Variants in ZNF316 observed in about 807,000 individuals in gnomAD.
ZNF316 encodes the protein zinc finger protein 316.
Under a neutral mutation model 75.6 loss-of-function variants are expected in ZNF316, and 23 were observed. That is an observed-to-expected ratio of 0.30 (90% CI 0.22 to 0.43). The LOEUF is 0.43. Ranked by LOEUF, ZNF316 falls within the 20% of genes least tolerant of loss-of-function variation. The probability of loss-of-function intolerance (pLI) is 1.00; values close to 1 mark genes in which losing one functional copy is unlikely to be tolerated. For missense variants in ZNF316, 1,266 were observed against 1,409.4 expected (o/e 0.90, Z 1.63); for synonymous variants, 827 against 666.2 (o/e 1.24, Z -3.72).
At chr7:6,645,657 C>G (rs1412674430) in intron 8 of ZNF316, among the ~76,000 whole-genome samples, 1 of 148,550 alleles carries the variant, frequency 6.7e-6, no homozygotes, top group Non-Finnish European at 1.5e-5. Flanking sequence ...GCACTCCGGC[C>G]TGGGTGACAA....
At position 6,653,198 on chromosome 7, in the gene ZNF316, C is replaced by G; in HGVS notation, c.1602C>G (p.Asp534Glu). ...CCGCCGCGGGGCCCGAGGACACGGA[C>G]CCTGGGCCAGAGGGATCTGAAGTTG... ...TAAAAGPEDT[D>E]PGPEGSEVGE... The change falls in exon 9 of 9, where the codon GAC becomes GAG. Residue 534 changes from aspartate to glutamate, a missense_variant. Asp to Glu is a conservative substitution (Grantham distance 45). Coordinates refer to ENST00000382252, the MANE Select transcript of ZNF316 (RefSeq NM_001278559.2). 1 of 1,219,336 alleles carries G rather than the reference C, an allele frequency of 8.2e-7. No homozygotes were observed. The highest frequency in any genetic ancestry group is 1.0e-6 in the Non-Finnish European group (1 of 980,288). 75.5% of individuals were successfully genotyped at this position (1,219,336 alleles called of 1,614,324 possible). A position where few individuals can be genotyped will look rare whatever the true frequency, so the allele number is the denominator to read the frequency against.
At position 6,653,157 on chromosome 7, in the gene ZNF316, C is replaced by G. The variant is rs981187377; in HGVS notation, c.1561C>G (p.Pro521Ala). 7 of 1,188,366 alleles carry G rather than the reference C, an allele frequency of 5.9e-6. No homozygotes were observed. The highest frequency in any genetic ancestry group is 4.5e-5 in the Admixed American group (1 of 22,074). 73.6% of individuals were successfully genotyped at this position (1,188,366 alleles called of 1,614,324 possible). A position where few individuals can be genotyped will look rare whatever the true frequency, so the allele number is the denominator to read the frequency against. ...EAGGDGPRRE[P>A]GETAAAAGPE... The stretch of plus-strand genomic sequence containing the variant: ...GGGTGGTGACGGCCCCCGGCGGGAG[C>G]CCGGCGAGACGGCGGCCGCCGCGGG... Residue 521 changes from proline to alanine, a missense_variant, in exon 9 of 9, where the codon CCC becomes GCC. By Grantham distance (27) the Pro-to-Ala change is conservative. Transcript: ENST00000382252.
rs1037869947 is a variant in ZNF316, at chr7:6,652,482, G to T, written c.886G>T (p.Gly296Trp). 2 of 1,231,540 alleles carry T rather than the reference G, an allele frequency of 1.6e-6. No individual in the cohort carries two copies. Among genetic ancestry groups the T allele is most frequent in the Non-Finnish European group, 2.0e-6 (2 of 987,768 alleles). The allele number at this position is 1,231,540 out of a possible 1,614,324, so 76.3% of individuals were successfully genotyped here. A position where few individuals can be genotyped will look rare whatever the true frequency, so the allele number is the denominator to read the frequency against. ...DDSDSAQTPE[G>W]WGPDPGGLGV... ...CTCGGATTCGGCGCAGACTCCAGAGGGGTGGGGACCCGACCCAGGCGGCCT... is the reference window on the plus strand; with the variant it reads ...CTCGGATTCGGCGCAGACTCCAGAGTGGTGGGGACCCGACCCAGGCGGCCT... The change falls in exon 9 of 9, where the codon GGG (glycine) becomes TGG (tryptophan). Residue 296 changes from glycine to tryptophan, a missense_variant. Gly to Trp is a radical substitution (Grantham distance 184). Transcript: ENST00000382252.
chr7:6,652,466 G>A lies in ZNF316; in HGVS notation c.870G>A (p.Ser290=), dbSNP rs1047824720. 1.1e-5 allele frequency: 14 copies of A among 1,231,770 alleles called. 1 individual carries two copies. In the Middle Eastern group the frequency reaches 1.6e-3, roughly 137 times the overall value. 76.3% of individuals were successfully genotyped at this position (1,231,770 alleles called of 1,614,324 possible). The stretch of plus-strand genomic sequence containing the variant: ...CGTGGGGGCCCGACGACTCGGATTC[G>A]GCGCAGACTCCAGAGGGGTGGGGAC... The part of the protein sequence containing the change: ...PGTWGPDDSD[S]AQTPEGWGPD... The change falls in exon 9 of 9, where the codon TCG becomes TCA. Residue 290 remains serine (S), a synonymous_variant. Transcript: ENST00000382252.
intron 6 of ZNF316, among the ~76,000 whole-genome samples, chr7:6,643,343 A>G (rs1288497859): frequency 6.6e-6 from 1 of 152,320 alleles, no homozygotes; most frequent in Non-Finnish European, 1.5e-5. Flanking sequence ...GCGACTTCAG[A>G]GGCCTGGCTC....
Position 6,642,504 on chromosome 7 carries a change from A to G in ZNF316, c.95A>G (p.Glu32Gly). 2 of 1,234,088 alleles carry G rather than the reference A, an allele frequency of 1.6e-6. No homozygotes were observed. The highest frequency in any genetic ancestry group is 2.0e-6 in the Non-Finnish European group (2 of 989,060). 76.4% of individuals were successfully genotyped at this position (1,234,088 alleles called of 1,614,324 possible). The change falls in exon 5 of 9, where the codon GAG becomes GGG. Residue 32 changes from glutamate (E) to glycine (G), a missense_variant. Physicochemically the swap from Glu to Gly is moderately conservative, Grantham distance 98. Around this residue, in one of 3 missense-constraint regions of ZNF316, gnomAD observed 961 missense variants for 990.9 expected, o/e 0.97. Transcript: ENST00000382252. The surrounding 1 kb of genome is among the most constrained non-coding windows in gnomAD (Gnocchi z 8.1). ...SECDPDQEEE[E>G]EEEEKGEEVQ... The stretch of plus-strand genomic sequence containing the variant: ...TGCGACCCTGACCAGGAAGAAGAGG[A>G]GGAGGAGGAGGAAAAGGGGGAAGAG...
At chr7:6,645,918 C>G (rs1352588216) in intron 8 of ZNF316, among the ~76,000 whole-genome samples, 1 of 143,994 alleles carries the variant, frequency 6.9e-6, no homozygotes, top group Non-Finnish European at 1.5e-5. Context: ...CACTTGAACC[C>G]GGGAGGTGGA....
At position 6,642,276 on chromosome 7, in the gene ZNF316, G is replaced by T. The variant is rs1049306052; in HGVS notation, c.-28-106G>T. 3 of 456,782 alleles carry T rather than the reference G, an allele frequency of 6.6e-6. No individual in the cohort carries two copies. The highest frequency in any genetic ancestry group is 7.2e-6 in the Non-Finnish European group (2 of 279,706). The allele number at this position is 456,782 out of a possible 1,614,324, so 28.3% of individuals were successfully genotyped here. A position where few individuals can be genotyped will look rare whatever the true frequency, so the allele number is the denominator to read the frequency against. On this transcript the variant is annotated intron_variant, in intron 4 of 8. Transcript: ENST00000382252. This position sits in a 1 kb window ranked among gnomAD's most constrained non-coding sequence, Gnocchi z 8.1. ...ATTGCCTTCAACTACATAACAGGAG[G>T]AGTAAATCCTGCTCCCTGCGCCCCC... is the stretch of plus-strand genomic sequence containing the variant.
Position 6,653,954 on chromosome 7 carries a change from TCGCGCGCACTTGACGGCGCACGGG to T in ZNF316, c.2368_2391del (p.Leu790_His797del). ...GCGTGTGCGGTGCGGGGTTCAGCCGTCGCGCGCACTTGACGGCGCACGGGCGCGCGCACACCGGGGAGCGGCCTT... is the reference window on the plus strand; with the variant it reads ...GCGTGTGCGGTGCGGGGTTCAGCCGTCGCGCGCACACCGGGGAGCGGCCTT... On this transcript the variant is annotated inframe_deletion, in exon 9 of 9. Coordinates refer to ENST00000382252, the MANE Select transcript of ZNF316 (RefSeq NM_001278559.2). 2 of 1,156,076 alleles carry T rather than the reference TCGCGCGCACTTGACGGCGCACGGG, an allele frequency of 1.7e-6. No individual in the cohort carries two copies. Among genetic ancestry groups the T allele is most frequent in the African/African-American group, 1.7e-5 (1 of 60,192 alleles). The allele number at this position is 1,156,076 out of a possible 1,614,324, so 71.6% of individuals were successfully genotyped here.
rs1779298544 is a variant in ZNF316, at chr7:6,640,749, C to T, written c.-166-1076C>T. On this transcript the variant is annotated intron_variant, in intron 3 of 8. Coordinates refer to ENST00000382252, the MANE Select transcript of ZNF316 (RefSeq NM_001278559.2). This position sits in a 1 kb window ranked among gnomAD's most constrained non-coding sequence, Gnocchi z 5.1. Reference sequence around the variant, plus strand: ...TGGGCCTGGTGGGAGGGGATTGGCCCATGGAGGCGGATCCCTCATGAATGG... The same window carrying T: ...TGGGCCTGGTGGGAGGGGATTGGCCTATGGAGGCGGATCCCTCATGAATGG... Among the ~76,000 whole-genome samples the T allele has an allele frequency of 6.6e-6, 1 of 152,154 alleles. No homozygotes were observed. The highest frequency in any genetic ancestry group is 2.4e-5 in the African/African-American group (1 of 41,450).
intron 8 of ZNF316, among the ~76,000 whole-genome samples, chr7:6,645,010 G>C (rs1219836564): frequency 6.6e-6 from 1 of 152,194 alleles, no homozygotes; most frequent in Non-Finnish European, 1.5e-5. Context: ...CAGCTCCCTT[G>C]CTCTCCCTGG....
rs1779649783 is a variant in ZNF316 at position 6,657,622 on chromosome 7, G to A, written c.*3011G>A. On this transcript the variant is annotated 3_prime_UTR_variant, in exon 9 of 9. Transcript: ENST00000382252. ...AAGGCGGATCCCTTGAGCTCAGATG[G>A]ATTCCTTGAGCTCAGGAGTTCGAGG... 6.6e-6 allele frequency among the ~76,000 whole-genome samples: 1 copy of A among 152,020 alleles called. No homozygotes were observed. The highest frequency in any genetic ancestry group is 2.1e-4 in the South Asian group (1 of 4,830).
At chr7:6,650,886 C>A (rs926104647) in intron 8 of ZNF316, among the ~76,000 whole-genome samples, 2 of 152,198 alleles carry the variant, frequency 1.3e-5, no homozygotes, top group African/African-American at 2.4e-5. Context: ...CAGTTCCCTC[C>A]TGGGTGCGTC....
chr7:6,645,778 G>A (rs1016685868), intron 8 of ZNF316, among the ~76,000 whole-genome samples: 2 of 151,290 alleles, frequency 1.3e-5, no homozygotes, highest in African/African-American at 4.9e-5. Flanking sequence ...GACAGATCAC[G>A]AGGTCAGGAG....
At position 6,652,523 on chromosome 7, in the gene ZNF316, C is replaced by A. The variant is rs1004575610; in HGVS notation, c.927C>A (p.Asp309Glu). The A allele has an allele frequency of 8.1e-7, 1 of 1,231,232 alleles. No individual in the cohort carries two copies. The highest frequency in any genetic ancestry group is 1.0e-6 in the Non-Finnish European group (1 of 987,562). The allele number at this position is 1,231,232 out of a possible 1,614,324, so 76.3% of individuals were successfully genotyped here. Reference protein sequence around the residue: ...PDPGGLGVLADGSEAKPFLPG... With the variant: ...PDPGGLGVLAEGSEAKPFLPG... ...CAGGCGGCCTGGGGGTCCTGGCCGA[C>A]GGCTCTGAAGCGAAGCCTTTCCTGC... is the stretch of plus-strand genomic sequence containing the variant. Residue 309 changes from aspartate (D) to glutamate (E), a missense_variant, in exon 9 of 9, where the codon GAC (aspartate) becomes GAA (glutamate). By Grantham distance (45) the Asp-to-Glu change is conservative. Transcript: ENST00000382252.
chr7:6,642,294 G>GCC lies in ZNF316; in HGVS notation c.-28-87_-28-86insCC, dbSNP rs1037457333. ...ACAGGAGGAGTAAATCCTGCTCCCT[G>GCC]CGCCCCCGCCAGGCTGCGGGAGACC... On this transcript the variant is annotated intron_variant, in intron 4 of 8. Coordinates refer to ENST00000382252, the MANE Select transcript of ZNF316 (RefSeq NM_001278559.2). The surrounding 1 kb of genome is among the most constrained non-coding windows in gnomAD (Gnocchi z 8.1). 15 of 579,692 alleles carry GCC rather than the reference G, an allele frequency of 2.6e-5. No individual in the cohort carries two copies. The African/African-American group carries it at 2.9e-4, about 11-fold the overall frequency. 35.9% of individuals were successfully genotyped at this position (579,692 alleles called of 1,614,324 possible).
Position 6,653,159 on chromosome 7 carries a change from C to G in ZNF316, c.1563C>G (p.Pro521=), listed in dbSNP as rs1779543799. Residue 521 remains proline, a synonymous_variant, in exon 9 of 9, where the codon CCC becomes CCG. Transcript: ENST00000382252. ...EAGGDGPRRE[P]GETAAAAGPE... ...GTGGTGACGGCCCCCGGCGGGAGCC[C>G]GGCGAGACGGCGGCCGCCGCGGGGC... is the stretch of plus-strand genomic sequence containing the variant. 1.7e-6 allele frequency: 2 copies of G among 1,190,152 alleles called. No homozygotes were observed. Among genetic ancestry groups the G allele is most frequent in the Admixed American group, 4.5e-5 (1 of 22,162 alleles). 73.7% of individuals were successfully genotyped at this position (1,190,152 alleles called of 1,614,324 possible). A position where few individuals can be genotyped will look rare whatever the true frequency, so the allele number is the denominator to read the frequency against.
chr7:6,641,321 A>G (rs1779308162), intron 3 of ZNF316, among the ~76,000 whole-genome samples: 1 of 152,156 alleles, frequency 6.6e-6, no homozygotes, highest in Admixed American at 6.5e-5. Flanking sequence ...TGCTTTGGAA[A>G]TGGCCCTGTT....
At chr7:6,650,118 C>G (rs1779481260) in intron 8 of ZNF316, among the ~76,000 whole-genome samples, 1 of 152,214 alleles carries the variant, frequency 6.6e-6, no homozygotes, top group African/African-American at 2.4e-5. Context: ...GGAGGGGTCT[C>G]TAAACCCAAG....
Sources: allele counts gnomAD v4.1 joint callset (sites outside exome capture counted in the v4.1 genomes callset), GRCh38; gene constraint gnomAD v4.1.1; regional missense constraint gnomAD v4.1.1; non-coding constraint Gnocchi (gnomAD v3.1); transcripts MANE v1.5; gene names NCBI Gene and HGNC (gene_info 2026-07-23, HGNC 2026-07-21).